ANKS1B: variants seen among roughly 807,000 people sequenced by gnomAD.
The protein encoded by ANKS1B is ankyrin repeat and sterile alpha motif domain-containing protein 1B.
In ANKS1B, 36 loss-of-function variants were observed where a neutral mutation model predicts 148.3. That is an observed-to-expected ratio of 0.24 (90% CI 0.19 to 0.32). ANKS1B has a LOEUF of 0.32. Ranked by LOEUF, ANKS1B falls within the 10% of genes least tolerant of loss-of-function variation. The pLI is 1.00. For synonymous variants in ANKS1B, 542 were observed against 560.8 expected, an observed-to-expected ratio of 0.97 and a Z score of 0.47; for missense variants, 1,157 against 1,542.6, an observed-to-expected ratio of 0.75 and a Z score of 4.19.
chr12:99,743,181 C>T (rs1343699991), intron 8 of ANKS1B, among the ~76,000 whole-genome samples: 1 of 152,124 alleles, frequency 6.6e-6, no homozygotes. Flanking sequence ...GGTCTCTCAA[C>T]AAAATGAACT....
At chr12:99,328,695 AT>A (rs1426468346) in intron 12 of ANKS1B, among the ~76,000 whole-genome samples, 2 of 151,996 alleles carry the variant, frequency 1.3e-5, no homozygotes, top group Non-Finnish European at 2.9e-5. Flanking sequence ...GCAAGGTAAA[AT>A]TTATCATGTC....
chr12:99,622,168 A>G (rs1264479589), intron 9 of ANKS1B, among the ~76,000 whole-genome samples: 2 of 152,100 alleles, frequency 1.3e-5, no homozygotes, highest in East Asian at 3.8e-4. Flanking sequence ...AAATAACAAA[A>G]AGCAGAAATC....
chr12:99,538,027 T>A (rs924910053), intron 9 of ANKS1B, among the ~76,000 whole-genome samples: 5 of 152,150 alleles, frequency 3.3e-5, no homozygotes, highest in African/African-American at 9.6e-5. Flanking sequence ...TTTTCCCCAG[T>A]GTATGTTCTT....
At chr12:99,126,540 C>A (rs1466799947) in intron 15 of ANKS1B, among the ~76,000 whole-genome samples, 1 of 152,072 alleles carries the variant, frequency 6.6e-6, no homozygotes, top group African/African-American at 2.4e-5. Context: ...CTGAGTAAAA[C>A]CTATGCATGG....
At chr12:99,725,867 T>G (rs1446524548) in intron 8 of ANKS1B, among the ~76,000 whole-genome samples, 2 of 152,082 alleles carry the variant, frequency 1.3e-5, no homozygotes, top group Non-Finnish European at 2.9e-5. Context: ...CACAATTACA[T>G]GGAAATTGAA....
At chr12:99,710,431 G>A (rs1460872413) in intron 8 of ANKS1B, among the ~76,000 whole-genome samples, 3 of 152,062 alleles carry the variant, frequency 2.0e-5, no homozygotes, top group Admixed American at 6.6e-5. Flanking sequence ...TAGTTTATGG[G>A]ATAAAAGAGA....
chr12:98,862,272 C>G (rs1595740855), intron 17 of ANKS1B, among the ~76,000 whole-genome samples: 1 of 152,158 alleles, frequency 6.6e-6, no homozygotes, highest in African/African-American at 2.4e-5. Flanking sequence ...ACCCAGCCTA[C>G]CACTTCTCAG....
chr12:98,767,189 G>T (rs2098494950), intron 25 of ANKS1B, among the ~76,000 whole-genome samples: 1 of 152,176 alleles, frequency 6.6e-6, no homozygotes. Flanking sequence ...AAAGTTGGAA[G>T]TGGTGTAGGT....
intron 17 of ANKS1B, among the ~76,000 whole-genome samples, chr12:98,899,386 T>C (rs1341506916): frequency 2.0e-5 from 3 of 152,224 alleles, no homozygotes; most frequent in Non-Finnish European, 4.4e-5. Flanking sequence ...ATTGGTAATA[T>C]CATTTGGCCA....
At chr12:99,670,318 A>G (rs1276818480) in intron 8 of ANKS1B, among the ~76,000 whole-genome samples, 2 of 146,492 alleles carry the variant, frequency 1.4e-5, no homozygotes. Flanking sequence ...CTAATTCATA[A>G]TAAATAGATG....
At chr12:99,081,621 A>G (rs1348230737) in intron 16 of ANKS1B, among the ~76,000 whole-genome samples, 1 of 152,184 alleles carries the variant, frequency 6.6e-6, no homozygotes, top group Non-Finnish European at 1.5e-5. Flanking sequence ...ATTTGTGTGC[A>G]GAGTGAGCTC....
chr12:98,891,746 A>G (rs984061592), intron 17 of ANKS1B, among the ~76,000 whole-genome samples: 3 of 149,822 alleles, frequency 2.0e-5, no homozygotes, highest in African/African-American at 7.4e-5. Flanking sequence ...TCACTCAAAT[A>G]TGCATACTTT....
chr12:99,620,082 C>G (rs2098027405), intron 9 of ANKS1B, among the ~76,000 whole-genome samples: 1 of 152,150 alleles, frequency 6.6e-6, no homozygotes, highest in African/African-American at 2.4e-5. Flanking sequence ...GTAGGTTGAA[C>G]TGCACAGCCC....
At chr12:98,862,972 A>C (rs1340283000) in intron 17 of ANKS1B, among the ~76,000 whole-genome samples, 1 of 152,208 alleles carries the variant, frequency 6.6e-6, no homozygotes. Context: ...TCTCTGCATG[A>C]AAACCAACAG....
chr12:99,651,177 T>C lies in ANKS1B; in HGVS notation c.1272+3890A>G, dbSNP rs548742121. On this transcript the variant is annotated intron_variant, in intron 9 of 26. Transcript: ENST00000683438. Reference sequence around the variant, plus strand: ...GTTTACCAGTAGACCCTCACAGCGCTTACGACTTAATGATTTTTAATGGCC... The same window carrying C: ...GTTTACCAGTAGACCCTCACAGCGCCTACGACTTAATGATTTTTAATGGCC... 6.2e-4 allele frequency among the ~76,000 whole-genome samples: 95 copies of C among 152,244 alleles called. No homozygotes were observed. The South Asian group carries it at 0.017, about 28-fold the overall frequency.
At chr12:99,211,826 T>C (rs151222771) in intron 14 of ANKS1B, among the ~76,000 whole-genome samples, 2 of 152,308 alleles carry the variant, frequency 1.3e-5, no homozygotes, top group African/African-American at 4.8e-5. Flanking sequence ...TCCTTTGCCT[T>C]GTTATTCTTC....
chr12:98,865,196 C>T (rs560042809), intron 17 of ANKS1B, among the ~76,000 whole-genome samples: 3 of 152,120 alleles, frequency 2.0e-5, no homozygotes, highest in African/African-American at 4.8e-5. Flanking sequence ...CTTGCTATTC[C>T]TCTGGTCTCC....
chr12:99,350,518 G>C (rs191819616), intron 12 of ANKS1B, among the ~76,000 whole-genome samples: 1 of 152,030 alleles, frequency 6.6e-6, no homozygotes, highest in East Asian at 1.9e-4. Flanking sequence ...TCTGAGGCAG[G>C]AGGGTATAAG....
At chr12:99,231,916 C>T (rs568699107) in intron 14 of ANKS1B, among the ~76,000 whole-genome samples, 1 of 152,198 alleles carries the variant, frequency 6.6e-6, no homozygotes, top group African/African-American at 2.4e-5. Context: ...CTTGCAGACC[C>T]AGGGAAAGAG....
Sources: allele counts gnomAD v4.1 joint callset (sites outside exome capture counted in the v4.1 genomes callset), GRCh38; gene constraint gnomAD v4.1.1; transcripts MANE v1.5; gene names NCBI Gene and HGNC (gene_info 2026-07-23, HGNC 2026-07-21).